The following IGSF11 variants were observed in gnomAD, a reference collection of about 807,000 sequenced individuals.
The protein encoded by IGSF11 is immunoglobulin superfamily member 11, also known as CXADR like 1.
A neutral mutation model predicts 41.0 loss-of-function variants in IGSF11; 22 were observed. That is an observed-to-expected ratio of 0.54 (90% confidence interval 0.38 to 0.77). The LOEUF (loss-of-function observed/expected upper bound fraction) is 0.77. IGSF11 is among the 30% of genes least tolerant of loss of function. The pLI is 0.00. For missense variants in IGSF11, 444 were observed against 530.8 expected (o/e 0.84, Z 1.61); for synonymous variants, 219 against 201.3 (o/e 1.09, Z -0.74).
At chr3:119,135,950 A>T (rs2077555371) in intron 1 of IGSF11, among the ~76,000 whole-genome samples, 1 of 152,224 alleles carries the variant, frequency 6.6e-6, no homozygotes, top group African/African-American at 2.4e-5. Context: ...ATTCTAAGCA[A>T]ACTATCACAA....
At chr3:118,956,792 G>T (rs1233587128) in intron 1 of IGSF11, among the ~76,000 whole-genome samples, 2 of 152,186 alleles carry the variant, frequency 1.3e-5, no homozygotes, top group Non-Finnish European at 2.9e-5. Flanking sequence ...TTACCAAAGT[G>T]TGACAAAGAA....
intron 1 of IGSF11, among the ~76,000 whole-genome samples, chr3:118,952,178 C>A (rs1000376676): frequency 2.0e-5 from 3 of 152,154 alleles, no homozygotes; most frequent in African/African-American, 7.2e-5. Flanking sequence ...TAACGATCAT[C>A]TGAGCCTTCA....
At chr3:119,115,790 A>G (rs2077247825) in intron 1 of IGSF11, among the ~76,000 whole-genome samples, 1 of 152,196 alleles carries the variant, frequency 6.6e-6, no homozygotes, top group African/African-American at 2.4e-5. Context: ...ATCTTAACTA[A>G]TAAATGTACA....
chr3:118,957,323 C>A (rs1250124979), intron 1 of IGSF11, among the ~76,000 whole-genome samples: 3 of 152,134 alleles, frequency 2.0e-5, no homozygotes, highest in East Asian at 3.8e-4. Context: ...CCCACAGACA[C>A]ACTCAGAAAA....
chr3:119,105,004 A>C (rs1217824589), intron 1 of IGSF11: 4 of 558,384 alleles, frequency 7.2e-6, no homozygotes, highest in Non-Finnish European at 1.3e-5. Context: ...TTTTCCCAGG[A>C]CTTAGAAATG....
intron 4 of IGSF11, among the ~76,000 whole-genome samples, chr3:118,906,122 TGAA>T (rs927088484): frequency 7.2e-5 from 11 of 152,200 alleles, no homozygotes; most frequent in South Asian, 2.1e-4. Context: ...TCATACCTGA[TGAA>T]GAAAATATCA....
chr3:118,946,704 C>G (rs1050636735), intron 1 of IGSF11, among the ~76,000 whole-genome samples: 1 of 152,216 alleles, frequency 6.6e-6, no homozygotes, highest in African/African-American at 2.4e-5. Context: ...TCACCACTAA[C>G]AAGCATTTTT....
rs1055914248 is a variant in IGSF11, at chr3:118,970,521, T to C, written c.53-40246A>G. Among the ~76,000 whole-genome samples the C allele has an allele frequency of 1.1e-4, 16 of 152,188 alleles. 1 individual carries two copies. The highest frequency in any genetic ancestry group is 2.2e-4 in the Non-Finnish European group (15 of 68,026). ...TAAAATAAATTCATGGTTTCCTGCC[T>C]TTAAGATTATCAGAATCCTGGCATT... On this transcript the variant is annotated intron_variant, in intron 1 of 6. Transcript: ENST00000393775.
intron 1 of IGSF11, among the ~76,000 whole-genome samples, chr3:119,011,264 T>C (rs1276328020): frequency 6.6e-6 from 1 of 151,582 alleles, no homozygotes; most frequent in Non-Finnish European, 1.5e-5. Flanking sequence ...ATTAAAAAAA[T>C]AAAACATCTA....
intron 1 of IGSF11, among the ~76,000 whole-genome samples, chr3:119,059,157 AGTGT>A (rs77592705): frequency 0.34 from 48,592 of 142,996 alleles, 7,874 homozygotes; most frequent in Middle Eastern, 0.43. Flanking sequence ...AAGAAAATGT[AGTGT>A]GTGTGTATAT....
intron 1 of IGSF11, among the ~76,000 whole-genome samples, chr3:119,007,855 T>C (rs1012652823): frequency 1.3e-5 from 2 of 152,232 alleles, no homozygotes; most frequent in African/African-American, 4.8e-5. Context: ...ATTTCTTTCC[T>C]TTTTCTAGTC....
intron 1 of IGSF11, among the ~76,000 whole-genome samples, chr3:119,137,917 C>T (rs1460075767): frequency 6.6e-6 from 1 of 152,036 alleles, no homozygotes. Flanking sequence ...ACACATTTCT[C>T]AAAAGAAGAC....
At chr3:119,075,171 A>G (rs1269035310) in intron 1 of IGSF11, among the ~76,000 whole-genome samples, 2 of 152,198 alleles carry the variant, frequency 1.3e-5, no homozygotes, top group Admixed American at 6.5e-5. Context: ...TCACACAAAT[A>G]TAAAAATTCC....
Position 119,142,274 on chromosome 3 carries a change from CAA to C in IGSF11, c.-14+3537_-14+3538del, listed in dbSNP as rs11328968. On this transcript the variant is annotated intron_variant, in intron 1 of 7. Transcript: ENST00000425327. ...TGGGCGACAGAGCAAGACTCCATCTCAAAAAAAAAAAAAAAAAAAAAAGTGTC... is the reference window on the plus strand; with the variant it reads ...TGGGCGACAGAGCAAGACTCCATCTCAAAAAAAAAAAAAAAAAAAAGTGTC... 8.7e-3 allele frequency among the ~76,000 whole-genome samples: 711 copies of C among 81,744 alleles called. 2 individuals are homozygous for C. The highest frequency in any genetic ancestry group is 0.012 in the Admixed American group (81 of 6,692). The allele number at this position is 81,744 out of a possible 152,430, so 53.6% of individuals were successfully genotyped here. A position where few individuals can be genotyped will look rare whatever the true frequency, so the allele number is the denominator to read the frequency against.
At chr3:119,020,404 A>G (rs1939173587) in intron 1 of IGSF11, among the ~76,000 whole-genome samples, 1 of 152,206 alleles carries the variant, frequency 6.6e-6, no homozygotes, top group Non-Finnish European at 1.5e-5. Flanking sequence ...TACAGACTCC[A>G]AAGAACCACA....
intron 4 of IGSF11, among the ~76,000 whole-genome samples, chr3:118,920,777 T>C (rs6779428): frequency 0.076 from 11,634 of 152,192 alleles, 622 homozygotes; most frequent in Admixed American, 0.16. Flanking sequence ...CATAATAACA[T>C]AGCTGAAGCA....
Position 119,034,619 on chromosome 3 carries a change from G to A in IGSF11, c.-37C>T. Reference sequence around the variant, plus strand: ...AGGGAGCGCGCCTGCCTCCTACCCGGCTCCCGGTCGCAACAGGAGAGGAGC... The same window carrying A: ...AGGGAGCGCGCCTGCCTCCTACCCGACTCCCGGTCGCAACAGGAGAGGAGC... On this transcript the variant is annotated 5_prime_UTR_variant, in exon 1 of 7. Transcript: ENST00000393775. 4.5e-6 allele frequency: 7 copies of A among 1,555,760 alleles called. No homozygotes were observed. Among genetic ancestry groups the A allele is most frequent in the Non-Finnish European group, 6.1e-6 (7 of 1,151,952 alleles).
At position 118,900,605 on chromosome 3, in the gene IGSF11, A is replaced by C. The variant is rs1938742925; in HGVS notation, c.*1915T>G. Reference sequence around the variant, plus strand: ...TAAGTTTTAAAATGACATACTCGTTAGTATTGATAATTAATGACAACTTAT... The same window carrying C: ...TAAGTTTTAAAATGACATACTCGTTCGTATTGATAATTAATGACAACTTAT... On this transcript the variant is annotated 3_prime_UTR_variant, in exon 7 of 7. Coordinates refer to ENST00000393775, the MANE Select transcript of IGSF11 (RefSeq NM_001015887.3). The C allele has an allele frequency of 6.6e-6, 1 of 152,640 alleles. No homozygotes were observed. The highest frequency in any genetic ancestry group is 1.5e-5 in the Non-Finnish European group (1 of 68,034). 9.5% of individuals were successfully genotyped at this position (152,640 alleles called of 1,614,324 possible).
chr3:119,114,451 T>TTC (rs1199328090), intron 1 of IGSF11, among the ~76,000 whole-genome samples: 22 of 152,230 alleles, frequency 1.4e-4, no homozygotes, highest in African/African-American at 4.8e-4. Context: ...TAAATCATCC[T>TTC]TCTCAAGGTC....
Sources: gnomAD v4.1 joint callset for allele counts (sites outside exome capture counted in the v4.1 genomes callset) on GRCh38, gnomAD v4.1.1 for gene constraint, MANE v1.5 for transcripts, NCBI Gene and HGNC (gene_info 2026-07-23, HGNC 2026-07-21) for gene names.